The following CELSR1 variants were observed in gnomAD, a reference collection of about 807,000 sequenced individuals.
CELSR1 encodes cadherin EGF LAG seven-pass G-type receptor 1.
Under a neutral mutation model 249.1 loss-of-function variants are expected in CELSR1, and 110 were observed. That is an observed-to-expected ratio of 0.44 (90% CI 0.38 to 0.52). The LOEUF is 0.52. Among genes scored for constraint, CELSR1 ranks in the 20% least tolerant of loss-of-function variants. The pLI is 0.00. For synonymous variants in CELSR1, 2,113 were observed against 1,900.0 expected (o/e 1.11, Z -2.92); for missense variants, 4,109 against 4,296.4 (o/e 0.96, Z 1.22).
intron 5 of CELSR1, among the ~76,000 whole-genome samples, chr22:46,418,207 G>A (rs138891189): frequency 0.011 from 1,647 of 152,320 alleles, 11 homozygotes; most frequent in Non-Finnish European, 0.018. Flanking sequence ...GGGGCTGAAC[G>A]CAGTGGCTCA....
intron 1 of CELSR1, among the ~76,000 whole-genome samples, chr22:46,510,308 C>T (rs553023303): frequency 2.0e-5 from 3 of 152,282 alleles, no homozygotes; most frequent in South Asian, 4.1e-4. Flanking sequence ...AGAACACACC[C>T]CCTTCCTGAG....
intron 2 of CELSR1, among the ~76,000 whole-genome samples, chr22:46,442,461 G>C (rs912282285): frequency 2.6e-5 from 4 of 151,708 alleles, no homozygotes; most frequent in African/African-American, 9.8e-5. Context: ...AGGGCAGTCC[G>C]ACCTCCCCTC....
rs199927857 is a variant in CELSR1, at chr22:46,533,614, G to C, written c.3544+13C>G. The C allele has an allele frequency of 6.5e-7, 1 of 1,538,818 alleles. No individual in the cohort carries two copies. The highest frequency in any genetic ancestry group is 8.7e-7 in the Non-Finnish European group (1 of 1,147,402). ...CATCAGGAGCTACTCCTCCCACCCC[G>C]ACGGCCACTCACCAGACACAGACAC... On this transcript the variant is annotated intron_variant, in intron 1 of 34. Coordinates refer to ENST00000674500, the MANE Select transcript of CELSR1 (RefSeq NM_001378328.1).
chr22:46,439,534 C>T, intron 2 of CELSR1, 123 bp from the exon 3 acceptor site: 10 of 754,188 alleles, frequency 1.3e-5, no homozygotes, highest in Non-Finnish European at 2.2e-5. Flanking sequence ...GAAAACCCGA[C>T]TGACTCCAGG....
intron 22 of CELSR1, among the ~76,000 whole-genome samples, chr22:46,378,930 G>T (rs1002305428): frequency 6.6e-6 from 1 of 152,188 alleles, no homozygotes; most frequent in African/African-American, 2.4e-5. Flanking sequence ...GAGCCACCTG[G>T]CTGTAAGAAG....
Position 46,534,521 on chromosome 22 carries a change from C to T in CELSR1, c.2650G>A (p.Asp884Asn). Reference protein sequence around the residue: ...DTTTLEILILDANDNAPQFLW... With the variant: ...DTTTLEILILNANDNAPQFLW... ...AACTGGGGTGCATTGTCATTGGCAT[C>T]GAGGATGAGGATCTCTAGGGTGGTG... is the stretch of plus-strand genomic sequence containing the variant. Residue 884 changes from aspartate (D) to asparagine (N), a missense_variant, in exon 1 of 35, where the codon GAT becomes AAT. Coordinates refer to ENST00000674500, the MANE Select transcript of CELSR1 (RefSeq NM_001378328.1). The surrounding 1 kb of genome is among the most constrained non-coding windows in gnomAD (Gnocchi z 9.7). The T allele has an allele frequency of 1.2e-6, 2 of 1,613,432 alleles. No individual in the cohort carries two copies. Among genetic ancestry groups the T allele is most frequent in the Non-Finnish European group, 1.7e-6 (2 of 1,180,012 alleles).
intron 1 of CELSR1, chr22:46,530,584 C>A (rs1170311255): frequency 6.6e-6 from 1 of 152,078 alleles, no homozygotes; most frequent in East Asian, 1.9e-4. Flanking sequence ...CAAAAACTAT[C>A]GCAAAAAATG....
chr22:46,503,339 G>A (rs2080484212), intron 1 of CELSR1, among the ~76,000 whole-genome samples: 1 of 152,248 alleles, frequency 6.6e-6, no homozygotes, highest in South Asian at 2.1e-4. Flanking sequence ...CTGAGAGGGT[G>A]CTGAGCACGC....
In CELSR1 at chr22:46,468,956, G is replaced by A. The variant is rs1173465314; in HGVS notation, c.3545-4611C>T. Among the ~76,000 whole-genome samples, 1 of 152,034 alleles carries A rather than the reference G, an allele frequency of 6.6e-6. No homozygotes were observed. The highest frequency in any genetic ancestry group is 6.6e-5 in the Admixed American group (1 of 15,250). ...TTGGGCGTGGTGGCACGTGCCTGTA[G>A]TCTCAGCTACTCGGAAGGCTGAGGC... On this transcript the variant is annotated intron_variant, in intron 1 of 34. Coordinates refer to ENST00000674500, the MANE Select transcript of CELSR1 (RefSeq NM_001378328.1). The surrounding 1 kb of genome is among the most constrained non-coding windows in gnomAD (Gnocchi z 4.5).
chr22:46,490,507 G>C lies in CELSR1; in HGVS notation c.3545-26162C>G, dbSNP rs58583298. Among the ~76,000 whole-genome samples, 1 of 151,838 alleles carries C rather than the reference G, an allele frequency of 6.6e-6. No individual in the cohort carries two copies. The highest frequency in any genetic ancestry group is 2.4e-5 in the African/African-American group (1 of 41,308). The stretch of plus-strand genomic sequence containing the variant: ...TCACCATGTTGGTCAGGCTGGTCTC[G>C]AACTCCTGACCGCAGGCGAGCCGCC... On this transcript the variant is annotated intron_variant, in intron 1 of 34. Transcript: ENST00000674500. This position sits in a 1 kb window ranked among gnomAD's most constrained non-coding sequence, Gnocchi z 5.2.
rs912620757 is a variant in CELSR1, at chr22:46,364,659, C to T, written c.8632G>A (p.Gly2878Ser). ...LAESDSEDPS[G>S]KPRLKVETKV... ...GTCTCCACCTTCAGGCGGGGCTTGC[C>T]GCTGGGGTCCTCACTGTCACTCTCA... The change falls in exon 33 of 35, where the codon GGC becomes AGC. Residue 2878 changes from glycine to serine, a missense_variant. Physicochemically the swap from Gly to Ser is moderately conservative, Grantham distance 56. Around this residue, in one of 7 missense-constraint regions of CELSR1, gnomAD observed 1,805 missense variants for 1,831.6 expected, o/e 0.99. Coordinates refer to ENST00000674500, the MANE Select transcript of CELSR1 (RefSeq NM_001378328.1). 1.1e-5 allele frequency: 17 copies of T among 1,612,672 alleles called. No individual in the cohort carries two copies. The highest frequency in any genetic ancestry group is 8.3e-5 in the Admixed American group (5 of 60,014).
rs367840176 is a variant in CELSR1 at position 46,411,796 on chromosome 22, T to A, written c.4612-37A>T. 32 of 1,611,880 alleles carry A rather than the reference T, an allele frequency of 2.0e-5. No homozygotes were observed. In the African/African-American group the frequency reaches 4.0e-4, roughly 20 times the overall value. On this transcript the variant is annotated intron_variant, in intron 5 of 34. Coordinates refer to ENST00000674500, the MANE Select transcript of CELSR1 (RefSeq NM_001378328.1). This position sits in a 1 kb window ranked among gnomAD's most constrained non-coding sequence, Gnocchi z 4.2. The stretch of plus-strand genomic sequence containing the variant: ...GAAAGCACAGAAGGTGTCAGCGTTT[T>A]CTCCACCAGTGCCCTCAGCAGGCGC...
chr22:46,382,918 G>A (rs559160140), intron 20 of CELSR1, among the ~76,000 whole-genome samples: 1 of 152,348 alleles, frequency 6.6e-6, no homozygotes, highest in African/African-American at 2.4e-5. Flanking sequence ...GTGGGCTAGA[G>A]TTTCAGATCT....
Position 46,391,623 on chromosome 22 carries a change from C to A in CELSR1, c.6148+10G>T. ...CTGTAACCTGCAGGGTGTCGAGGGG[C>A]AACGCGGACCTTCACAGCCGAGCGT... On this transcript the variant is annotated intron_variant, in intron 15 of 34. Coordinates refer to ENST00000674500, the MANE Select transcript of CELSR1 (RefSeq NM_001378328.1). This position sits in a 1 kb window ranked among gnomAD's most constrained non-coding sequence, Gnocchi z 4.3. The A allele has an allele frequency of 6.3e-7, 1 of 1,583,918 alleles. No homozygotes were observed. The highest frequency in any genetic ancestry group is 8.5e-7 in the Non-Finnish European group (1 of 1,169,828).
chr22:46,377,430 C>G, intron 23 of CELSR1, 169 bp from the exon 24 acceptor site: 1 of 701,562 alleles, frequency 1.4e-6, no homozygotes, highest in Non-Finnish European at 2.4e-6. Flanking sequence ...TGGAACTGCC[C>G]CTCCTGAGGC....
rs1011151461 is a variant in CELSR1 at position 46,412,533 on chromosome 22, G to C, written c.4612-774C>G. On this transcript the variant is annotated intron_variant, in intron 5 of 34. Coordinates refer to ENST00000674500, the MANE Select transcript of CELSR1 (RefSeq NM_001378328.1). The surrounding 1 kb of genome is among the most constrained non-coding windows in gnomAD (Gnocchi z 4.5). ...GAACTCCCTCTCTGGGCCAGGATTG[G>C]GTACAAGAGTTCTTCTGGAATCAGT... Among the ~76,000 whole-genome samples the C allele has an allele frequency of 3.3e-5, 5 of 152,122 alleles. No individual in the cohort carries two copies. Among genetic ancestry groups the C allele is most frequent in the African/African-American group, 4.8e-5 (2 of 41,416 alleles).
chr22:46,394,766 C>T (rs1170736595), intron 13 of CELSR1, among the ~76,000 whole-genome samples: 1 of 152,242 alleles, frequency 6.6e-6, no homozygotes, highest in Non-Finnish European at 1.5e-5. Context: ...GTGTAGCATG[C>T]CCCTTAGGAC....
chr22:46,522,409 G>C (rs183320489), intron 1 of CELSR1, among the ~76,000 whole-genome samples: 1 of 152,014 alleles, frequency 6.6e-6, no homozygotes, highest in Non-Finnish European at 1.5e-5. Flanking sequence ...CCACGCCTGC[G>C]GTTTCGACTT....
chr22:46,377,521 CAG>C (rs2078932374), intron 23 of CELSR1: 1 of 520,742 alleles, frequency 1.9e-6, no homozygotes, highest in Admixed American at 3.2e-5. Context: ...GGGGGCCGTT[CAG>C]AGACCTCTGG....
Sources: allele counts gnomAD v4.1 joint callset (sites outside exome capture counted in the v4.1 genomes callset), GRCh38; gene constraint gnomAD v4.1.1; regional missense constraint gnomAD v4.1.1; non-coding constraint Gnocchi (gnomAD v3.1); transcripts MANE v1.5; gene names NCBI Gene and HGNC (gene_info 2026-07-23, HGNC 2026-07-21).